The following TIGIT variants were observed in gnomAD, a reference collection of about 807,000 sequenced individuals.
TIGIT encodes the protein T-cell immunoreceptor with Ig and ITIM domains.
TIGIT carries 11 observed loss-of-function variants against 19.6 expected under a neutral mutation model. That is an observed-to-expected ratio of 0.56 (90% CI 0.35 to 0.93). The LOEUF is 0.93. Among genes scored for constraint, TIGIT ranks in the 40% least tolerant of loss-of-function variants. The probability of loss-of-function intolerance (pLI) is 0.01; values close to 1 mark genes in which losing one functional copy is unlikely to be tolerated. For synonymous variants in TIGIT, 130 were observed against 125.5 expected (o/e 1.04, Z -0.24); for missense variants, 295 against 303.9 (o/e 0.97, Z 0.22).
intron 2 of TIGIT, 143 bp from the exon 3 acceptor site, chr3:114,299,454 G>C: frequency 1.6e-6 from 1 of 620,878 alleles, no homozygotes. Flanking sequence ...TGTTCAAAGT[G>C]TTGGGCTTAA....
At chr3:114,301,481 A>G (rs1047617869) in intron 3 of TIGIT, among the ~76,000 whole-genome samples, 1 of 152,230 alleles carries the variant, frequency 6.6e-6, no homozygotes, top group Non-Finnish European at 1.5e-5. Context: ...GGTGAAGAAG[A>G]TGAAAGTTGA....
chr3:114,301,324 A>T (rs1239229891), intron 3 of TIGIT, among the ~76,000 whole-genome samples: 4 of 152,248 alleles, frequency 2.6e-5, no homozygotes, highest in Non-Finnish European at 4.4e-5. Flanking sequence ...GTTGAACTGC[A>T]GTGGCTGAGA....
In TIGIT at chr3:114,310,130, A is replaced by G. The variant is rs922174341; in HGVS notation, c.*1999A>G. 3.9e-5 allele frequency: 6 copies of G among 152,178 alleles called. No homozygotes were observed. The highest frequency in any genetic ancestry group is 1.4e-4 in the African/African-American group (6 of 41,436). 9.4% of individuals were successfully genotyped at this position (152,178 alleles called of 1,614,324 possible). ...ACCACTTAAGATGGGGTTAGTTTAA[A>G]TCAAGATGTGCTGTTATAATTGGTA... On this transcript the variant is annotated 3_prime_UTR_variant, in exon 4 of 4. Transcript: ENST00000383671.
intron 3 of TIGIT, among the ~76,000 whole-genome samples, chr3:114,303,507 A>ATATATATACACATATATATG (rs2078506038): frequency 1.6e-4 from 1 of 6,110 alleles, no homozygotes; most frequent in African/African-American, 2.6e-4. Context: ...ATATATATGT[A>ATATATATACACATATATATG]TATATATATA....
chr3:114,303,577 A>G (rs1256884212), intron 3 of TIGIT, among the ~76,000 whole-genome samples: 1 of 5,882 alleles, frequency 1.7e-4, no homozygotes, highest in Non-Finnish European at 6.7e-4. Flanking sequence ...ATATATGTAT[A>G]TATATATATA....
Position 114,294,055 on chromosome 3 carries a change from C to G in TIGIT, c.-7C>G. On this transcript the variant is annotated 5_prime_UTR_variant, in exon 1 of 4. Coordinates refer to ENST00000383671, the MANE Select transcript of TIGIT (RefSeq NM_173799.4). ...ATCTGCTTCCTGTAGGCCCTCTGGG[C>G]AGAAGCATGCGCTGGTGTCTCCTCC... 1 of 1,551,750 alleles carries G rather than the reference C, an allele frequency of 6.4e-7. No homozygotes were observed. Among genetic ancestry groups the G allele is most frequent in the Non-Finnish European group, 8.7e-7 (1 of 1,146,744 alleles).
At chr3:114,307,370 T>C (rs188659569) in intron 3 of TIGIT, among the ~76,000 whole-genome samples, 102 of 152,226 alleles carry the variant, frequency 6.7e-4, no homozygotes, top group Non-Finnish European at 1.3e-3. Context: ...AGAAAGTAGA[T>C]GCTCATGAAA....
chr3:114,295,719 C>T lies in TIGIT; in HGVS notation c.236C>T (p.Pro79Leu). 2 of 1,614,244 alleles carry T rather than the reference C, an allele frequency of 1.2e-6. No individual in the cohort carries two copies. Among genetic ancestry groups the T allele is most frequent in the Non-Finnish European group, 1.7e-6 (2 of 1,180,048 alleles). ...GCTGACTTGGGGTGGCACATCTCCC[C>T]ATCCTTCAAGGATCGAGTGGCCCCA... is the stretch of plus-strand genomic sequence containing the variant. ...CNADLGWHIS[P>L]SFKDRVAPGP... Residue 79 changes from proline (P) to leucine (L), a missense_variant, in exon 2 of 4, where the codon CCA (proline) becomes CTA (leucine). Transcript: ENST00000383671.
At chr3:114,295,498 G>A in intron 1 of TIGIT, 47 bp from the exon 2 acceptor site, 1 of 1,518,860 alleles carries the variant, frequency 6.6e-7, no homozygotes, top group Non-Finnish European at 9.0e-7. Flanking sequence ...AAGGTTGAAG[G>A]CCAGCTGCTG....
intron 2 of TIGIT, among the ~76,000 whole-genome samples, chr3:114,296,221 A>G (rs1275961226): frequency 2.0e-5 from 3 of 152,238 alleles, no homozygotes; most frequent in Non-Finnish European, 4.4e-5. Flanking sequence ...GTTTAGTATA[A>G]TTGTGCAAAT....
At chr3:114,299,162 C>CT (rs1179718266) in intron 2 of TIGIT, among the ~76,000 whole-genome samples, 4 of 152,070 alleles carry the variant, frequency 2.6e-5, no homozygotes, top group Non-Finnish European at 4.4e-5. Context: ...AGGTTACATA[C>CT]TTTTTTTCAT....
In TIGIT at chr3:114,295,573, G is replaced by T. The variant is rs766552853; in HGVS notation, c.90G>T (p.Thr30=). 2.5e-6 allele frequency: 4 copies of T among 1,613,914 alleles called. No individual in the cohort carries two copies. The highest frequency in any genetic ancestry group is 1.7e-5 in the Admixed American group (1 of 60,006). The change falls in exon 2 of 4, where the codon ACG becomes ACT. Residue 30 remains threonine, a synonymous_variant. Coordinates refer to ENST00000383671, the MANE Select transcript of TIGIT (RefSeq NM_173799.4). ...TGATGACAGGCACAATAGAAACAAC[G>T]GGGAACATTTCTGCAGAGAAAGGTG... The part of the protein sequence containing the change: ...SGMMTGTIET[T]GNISAEKGGS...
Position 114,300,752 on chromosome 3 carries a change from A to T in TIGIT, c.498+1049A>T, listed in dbSNP as rs577395145. 9.2e-5 allele frequency among the ~76,000 whole-genome samples: 14 copies of T among 151,556 alleles called. No homozygotes were observed. The South Asian group carries it at 2.1e-3, about 23-fold the overall frequency. ...ATCATGTGATGAGTGCATGCATGTG[A>T]GAGAGAGAGAGAAATGAGGCCAAAT... On this transcript the variant is annotated intron_variant, in intron 3 of 3. Coordinates refer to ENST00000383671, the MANE Select transcript of TIGIT (RefSeq NM_173799.4).
intron 1 of TIGIT, among the ~76,000 whole-genome samples, chr3:114,294,576 T>G (rs1225727088): frequency 1.3e-5 from 2 of 152,354 alleles, no homozygotes; most frequent in South Asian, 2.1e-4. Flanking sequence ...TTTGTTAAAT[T>G]TATTTCTTCT....
rs1277764133 is a variant in TIGIT at position 114,308,622 on chromosome 3, T to A, written c.*491T>A. The A allele has an allele frequency of 6.5e-6, 1 of 153,502 alleles. No homozygotes were observed. Among genetic ancestry groups the A allele is most frequent in the Non-Finnish European group, 1.4e-5 (1 of 69,010 alleles). The allele number at this position is 153,502 out of a possible 1,614,324, so 9.5% of individuals were successfully genotyped here. A position where few individuals can be genotyped will look rare whatever the true frequency, so the allele number is the denominator to read the frequency against. On this transcript the variant is annotated 3_prime_UTR_variant, in exon 4 of 4. Coordinates refer to ENST00000383671, the MANE Select transcript of TIGIT (RefSeq NM_173799.4). ...CTCTATGGGGAGATTTGAGAGTGAC[T>A]AAATCTTGGTATCTGCCCTCAAGAA...
At chr3:114,306,308 A>C (rs2107955627) in intron 3 of TIGIT, among the ~76,000 whole-genome samples, 1 of 152,340 alleles carries the variant, frequency 6.6e-6, no homozygotes, top group Admixed American at 6.5e-5. Flanking sequence ...ACTCAGACTG[A>C]CATGCCAATC....
chr3:114,305,780 AGATGGATGGATGGATG>A (rs139399080), intron 3 of TIGIT, among the ~76,000 whole-genome samples: 21 of 143,766 alleles, frequency 1.5e-4, no homozygotes, highest in African/African-American at 4.9e-4. Flanking sequence ...TAGGAGATAT[AGATGGATGGATGGATG>A]GATGGATGGA....
chr3:114,295,185 C>A, intron 1 of TIGIT: 1 of 245,220 alleles, frequency 4.1e-6, no homozygotes, highest in South Asian at 5.8e-5. Flanking sequence ...CTTGACAAGC[C>A]TCCCTGTGGG....
intron 2 of TIGIT, chr3:114,296,113 A>G: frequency 2.1e-6 from 1 of 469,188 alleles, no homozygotes; most frequent in South Asian, 3.5e-5. Context: ...TGGGCAGCCA[A>G]TACTGAGAAC....
Sources: gnomAD v4.1 joint callset for allele counts (sites outside exome capture counted in the v4.1 genomes callset) on GRCh38, gnomAD v4.1.1 for gene constraint, MANE v1.5 for transcripts, NCBI Gene and HGNC (gene_info 2026-07-23, HGNC 2026-07-21) for gene names.